The following PLEKHA7 variants were observed in gnomAD, a reference collection of about 807,000 sequenced individuals.
PLEKHA7 encodes the protein pleckstrin homology domain containing A7, also known as pleckstrin homology domain-containing family A member 7.
A neutral mutation model predicts 170.0 loss-of-function variants in PLEKHA7; 104 were observed. The observed-to-expected ratio is 0.61, with a 90% CI of 0.52 to 0.72. The LOEUF (loss-of-function observed/expected upper bound fraction) is 0.72, where lower values mean the gene tolerates loss of function less well. PLEKHA7 is among the 30% of genes least tolerant of loss of function. The probability of loss-of-function intolerance (pLI) is 0.00; values close to 1 mark genes in which losing one functional copy is unlikely to be tolerated. For missense variants in PLEKHA7, 1,615 were observed against 1,671.7 expected (o/e 0.97, Z 0.59); for synonymous variants, 648 against 660.8 (o/e 0.98, Z 0.30).
At chr11:16,976,389 C>T (rs1863065368) in intron 3 of PLEKHA7, among the ~76,000 whole-genome samples, 1 of 152,194 alleles carries the variant, frequency 6.6e-6, no homozygotes, top group African/African-American at 2.4e-5. Flanking sequence ...AATAGTCTAC[C>T]CTATTCCCCT....
At chr11:16,935,680 C>G (rs1860240273) in intron 3 of PLEKHA7, among the ~76,000 whole-genome samples, 1 of 152,178 alleles carries the variant, frequency 6.6e-6, no homozygotes, top group Admixed American at 6.5e-5. Context: ...CAAACACCAC[C>G]CTAAGTGCCT....
chr11:16,979,880 C>T (rs34927905), intron 3 of PLEKHA7, among the ~76,000 whole-genome samples: 32,149 of 152,082 alleles, frequency 0.21, 4,245 homozygotes, highest in East Asian at 0.38. Flanking sequence ...GGTCTGTGTA[C>T]ACAGGCAGGG....
chr11:16,835,487 T>A (rs1228288298), intron 9 of PLEKHA7, among the ~76,000 whole-genome samples: 1 of 152,068 alleles, frequency 6.6e-6, no homozygotes, highest in Non-Finnish European at 1.5e-5. Context: ...ATCATTGAGA[T>A]CTAGGAATTA....
chr11:16,786,100 C>T, intron 24 of PLEKHA7, 129 bp downstream of exon 24: 1 of 1,084,004 alleles, frequency 9.2e-7, no homozygotes, highest in Non-Finnish European at 1.3e-6. Context: ...ATCCATCCAT[C>T]CTCCTAGGCC....
At chr11:16,809,367 G>T (rs1849204733) in intron 13 of PLEKHA7, among the ~76,000 whole-genome samples, 1 of 152,150 alleles carries the variant, frequency 6.6e-6, no homozygotes, top group African/African-American at 2.4e-5. Context: ...AGGGACATGG[G>T]GGACACCAAG....
At chr11:16,939,769 C>T (rs1430071215) in intron 3 of PLEKHA7, among the ~76,000 whole-genome samples, 1 of 152,208 alleles carries the variant, frequency 6.6e-6, no homozygotes, top group Non-Finnish European at 1.5e-5. Context: ...TCCACCCCAA[C>T]AAGGCCTTCC....
intron 9 of PLEKHA7, among the ~76,000 whole-genome samples, chr11:16,839,920 A>T (rs963889324): frequency 6.6e-6 from 1 of 152,144 alleles, no homozygotes; most frequent in Admixed American, 6.6e-5. Context: ...TAGACTGTGC[A>T]CTAGACTGTG....
chr11:16,894,565 G>A (rs1052445679), intron 3 of PLEKHA7, among the ~76,000 whole-genome samples: 2 of 151,882 alleles, frequency 1.3e-5, no homozygotes, highest in Non-Finnish European at 2.9e-5. Flanking sequence ...TGTGGCTTTG[G>A]AGCCTGAACT....
chr11:16,999,244 G>A (rs1045493279), intron 3 of PLEKHA7, among the ~76,000 whole-genome samples: 10 of 151,864 alleles, frequency 6.6e-5, no homozygotes, highest in African/African-American at 9.7e-5. Context: ...CCACACAGAG[G>A]AAGCCTTCCC....
intron 21 of PLEKHA7, 196 bp from the exon 22 acceptor site, chr11:16,790,074 G>A (rs1847734290): frequency 5.1e-6 from 3 of 585,396 alleles, no homozygotes; most frequent in Non-Finnish European, 9.2e-6. Flanking sequence ...GGTGACCTTT[G>A]TCCCTGATGG....
Position 16,871,079 on chromosome 11 carries a change from G to A in PLEKHA7, c.305+20C>T. On this transcript the variant is annotated intron_variant, in intron 4 of 26. Coordinates refer to ENST00000531066, the MANE Select transcript of PLEKHA7 (RefSeq NM_001329630.2). ...CTCCCATACTCTGCCCAGATAAGGAGAATACATAAAAAGACTTACTCTTCT... is the reference window on the plus strand; with the variant it reads ...CTCCCATACTCTGCCCAGATAAGGAAAATACATAAAAAGACTTACTCTTCT... 1.3e-6 allele frequency: 2 copies of A among 1,546,892 alleles called. No homozygotes were observed. The highest frequency in any genetic ancestry group is 1.8e-6 in the Non-Finnish European group (2 of 1,119,792).
chr11:16,827,174 T>G (rs1471693319), intron 9 of PLEKHA7, among the ~76,000 whole-genome samples: 1 of 152,174 alleles, frequency 6.6e-6, no homozygotes, highest in Non-Finnish European at 1.5e-5. Context: ...CAGCCCAAAG[T>G]ACAAATGATA....
At chr11:16,804,892 G>C (rs915446397) in intron 13 of PLEKHA7, among the ~76,000 whole-genome samples, 26 of 152,270 alleles carry the variant, frequency 1.7e-4, no homozygotes, top group Admixed American at 1.2e-3. Context: ...TGCAATGCGG[G>C]GGGGGCGGTG....
chr11:16,980,188 G>A (rs747175234), intron 3 of PLEKHA7, among the ~76,000 whole-genome samples: 4 of 152,218 alleles, frequency 2.6e-5, no homozygotes, highest in South Asian at 2.1e-4. Flanking sequence ...AACAGAAAAC[G>A]GGAAGAATCA....
Position 16,791,854 on chromosome 11 carries a change from C to G in PLEKHA7, c.2746-655G>C, listed in dbSNP as rs1315421468. 2.7e-6 allele frequency: 1 copy of G among 373,162 alleles called. No homozygotes were observed. The highest frequency in any genetic ancestry group is 2.0e-5 in the South Asian group (1 of 50,830). 23.1% of individuals were successfully genotyped at this position (373,162 alleles called of 1,614,324 possible). A position where few individuals can be genotyped will look rare whatever the true frequency, so the allele number is the denominator to read the frequency against. On this transcript the variant is annotated intron_variant, in intron 19 of 26. Coordinates refer to ENST00000531066, the MANE Select transcript of PLEKHA7 (RefSeq NM_001329630.2). This position sits in a 1 kb window ranked among gnomAD's most constrained non-coding sequence, Gnocchi z 4.5. ...TGAATGCAACATTTTCCTTGAAACTCCCTGTCCACAGTGTTCTGTGAGGGC... is the reference window on the plus strand; with the variant it reads ...TGAATGCAACATTTTCCTTGAAACTGCCTGTCCACAGTGTTCTGTGAGGGC...
At chr11:16,907,880 G>T (rs1187324364) in intron 3 of PLEKHA7, among the ~76,000 whole-genome samples, 1 of 145,726 alleles carries the variant, frequency 6.9e-6, no homozygotes, top group Non-Finnish European at 1.5e-5. Context: ...TGTGTAGAAA[G>T]AGGTAGACAT....
intron 23 of PLEKHA7, chr11:16,786,807 G>T: frequency 1.0e-6 from 1 of 985,344 alleles, no homozygotes; most frequent in Non-Finnish European, 1.2e-6. Flanking sequence ...GCCCTTCAAG[G>T]CCCTGCTAAG....
rs1848702468 is a variant in PLEKHA7, at chr11:16,802,989, C to T, written c.2140G>A (p.Ala714Thr). ...ACACGTACTTTGTTCTCTTTAAGGG[C>T]TCGTATCTTGTCTTCCAAGTCCTGG... ...VLQDLEDKIRALKENKDQLES... is the reference protein window; with the variant it reads ...VLQDLEDKIRTLKENKDQLES... Residue 714 changes from alanine to threonine, a missense_variant, in exon 15 of 27, where the codon GCC becomes ACC. Ala to Thr is a moderately conservative substitution (Grantham distance 58). Transcript: ENST00000531066. 3 of 1,613,362 alleles carry T rather than the reference C, an allele frequency of 1.9e-6. No homozygotes were observed. The highest frequency in any genetic ancestry group is 1.1e-5 in the South Asian group (1 of 90,682).
chr11:16,785,686 G>T (rs543264621), intron 24 of PLEKHA7, among the ~76,000 whole-genome samples: 2 of 152,258 alleles, frequency 1.3e-5, no homozygotes, highest in African/African-American at 4.8e-5. Flanking sequence ...CTGTCATGAT[G>T]CATGTGAGCC....
Sources: gnomAD v4.1 joint callset for allele counts (sites outside exome capture counted in the v4.1 genomes callset) on GRCh38, gnomAD v4.1.1 for gene constraint, Gnocchi (gnomAD v3.1) non-coding constraint, MANE v1.5 for transcripts, NCBI Gene and HGNC (gene_info 2026-07-23, HGNC 2026-07-21) for gene names.